Variants in PDE4D observed in about 807,000 individuals in gnomAD.
PDE4D encodes 3',5'-cyclic-AMP phosphodiesterase 4D.
A neutral mutation model predicts 87.4 loss-of-function variants in PDE4D; 24 were observed. The observed-to-expected ratio is 0.27, with a 90% CI of 0.20 to 0.39. The LOEUF is 0.39. Among genes scored for constraint, PDE4D ranks in the 10% least tolerant of loss-of-function variants. The pLI is 1.00. For synonymous variants in PDE4D, 384 were observed against 383.2 expected (o/e 1.00, Z -0.02); for missense variants, 714 against 1,041.0 (o/e 0.69, Z 4.32).
intron 5 of PDE4D, among the ~76,000 whole-genome samples, chr5:59,056,330 G>A (rs1762350064): frequency 6.6e-6 from 1 of 152,138 alleles, no homozygotes; most frequent in Non-Finnish European, 1.5e-5. Context: ...TACAACCACT[G>A]GAGCAAAGGA....
intron 1 of PDE4D, among the ~76,000 whole-genome samples, chr5:60,411,624 C>T (rs1742052765): frequency 6.6e-6 from 1 of 152,146 alleles, no homozygotes; most frequent in South Asian, 2.1e-4. Context: ...AACATTATTT[C>T]CGAATATTTA....
At chr5:59,097,753 A>C (rs1222453206) in intron 5 of PDE4D, among the ~76,000 whole-genome samples, 1 of 152,172 alleles carries the variant, frequency 6.6e-6, no homozygotes, top group East Asian at 1.9e-4. Context: ...TACACTGATA[A>C]ATGTTTACTG....
chr5:60,297,418 A>G (rs1297338263), intron 1 of PDE4D, among the ~76,000 whole-genome samples: 1 of 152,216 alleles, frequency 6.6e-6, no homozygotes, highest in Non-Finnish European at 1.5e-5. Context: ...ACTGATTAAT[A>G]ACAGAAGGGA....
At chr5:59,558,964 A>G in intron 1 of PDE4D, among the ~76,000 whole-genome samples, 1 of 152,076 alleles carries the variant, frequency 6.6e-6, no homozygotes, top group African/African-American at 2.4e-5. Context: ...GAAGCTCAAA[A>G]TTGTAAGCTA....
At chr5:58,993,220 A>G (rs991485527) in intron 7 of PDE4D, among the ~76,000 whole-genome samples, 152 bp downstream of exon 7, 1 of 152,192 alleles carries the variant, frequency 6.6e-6, no homozygotes, top group African/African-American at 2.4e-5. Context: ...TCAGAGGCGG[A>G]TAGTGTCGAA....
intron 2 of PDE4D, among the ~76,000 whole-genome samples, chr5:60,046,107 T>A (rs1338273544): frequency 6.6e-6 from 1 of 152,220 alleles, no homozygotes; most frequent in Non-Finnish European, 1.5e-5. Flanking sequence ...GATTCCTAGG[T>A]ATTTTATTCT....
rs866796539 is a variant in PDE4D, at chr5:59,893,226, G to A, written c.397C>T (p.Arg133Trp). The change falls in exon 1 of 15, where the codon CGG (arginine) becomes TGG (tryptophan). Residue 133 changes from arginine (R) to tryptophan (W), a missense_variant. Arg to Trp is a moderately radical substitution (Grantham distance 101). This residue lies in a region of PDE4D where 268 missense variants were observed against 272.9 expected (regional missense o/e 0.98). Transcript: ENST00000340635. ...RTSYAVETGH[R>W]PGLKKSRMSW... Reference sequence around the variant, plus strand: ...ATCCTGGATTTCTTCAGGCCGGGCCGGTGGCCGGTCTCCACCGCGTAGGAG... The same window carrying A: ...ATCCTGGATTTCTTCAGGCCGGGCCAGTGGCCGGTCTCCACCGCGTAGGAG... The A allele has an allele frequency of 1.9e-6, 3 of 1,560,466 alleles. No homozygotes were observed. The highest frequency in any genetic ancestry group is 1.4e-5 in the African/African-American group (1 of 73,600).
chr5:60,073,351 G>T (rs1053913415), intron 2 of PDE4D, among the ~76,000 whole-genome samples: 4 of 152,060 alleles, frequency 2.6e-5, no homozygotes, highest in Non-Finnish European at 1.5e-5. Context: ...TGCCTCCCAT[G>T]GGTAAAGCCA....
chr5:59,720,021 T>C (rs939625477), intron 1 of PDE4D, among the ~76,000 whole-genome samples: 5 of 152,192 alleles, frequency 3.3e-5, no homozygotes, highest in African/African-American at 1.2e-4. Context: ...GTATTCTCAC[T>C]ATCTTCTGTA....
At chr5:59,065,036 A>C (rs1763667775) in intron 5 of PDE4D, among the ~76,000 whole-genome samples, 1 of 151,078 alleles carries the variant, frequency 6.6e-6, no homozygotes, top group African/African-American at 2.4e-5. Context: ...CCATCAACAG[A>C]TGAATGGACA....
chr5:59,459,589 G>A (rs993252111), intron 1 of PDE4D, among the ~76,000 whole-genome samples: 1 of 152,162 alleles, frequency 6.6e-6, no homozygotes, highest in African/African-American at 2.4e-5. Flanking sequence ...AGCTTGTTTG[G>A]TCAGATGATC....
chr5:59,775,592 C>T (rs1561644235), intron 1 of PDE4D, among the ~76,000 whole-genome samples: 4 of 152,100 alleles, frequency 2.6e-5, no homozygotes, highest in Admixed American at 2.0e-4. Flanking sequence ...TTTCAAACTC[C>T]CCAAAATTGT....
In PDE4D at chr5:58,984,532, G is replaced by A. The variant is rs142854004; in HGVS notation, c.1552+3961C>T. Among the ~76,000 whole-genome samples, 1,322 of 152,306 alleles carry A rather than the reference G, an allele frequency of 8.7e-3. 63 individuals carry two copies. Among genetic ancestry groups the A allele is most frequent in the Admixed American group, 0.076 (1,164 of 15,298 alleles). ...ATGAATTTATCCTTATTTTGAAGGT[G>A]TGGGTTTATACAGAAAAATAAAATT... On this transcript the variant is annotated intron_variant, in intron 11 of 14. Transcript: ENST00000340635.
At chr5:59,508,716 AGAC>A (rs1809731955) in intron 1 of PDE4D, among the ~76,000 whole-genome samples, 1 of 152,078 alleles carries the variant, frequency 6.6e-6, no homozygotes. Flanking sequence ...AATGAGCAAA[AGAC>A]AATAAAAATC....
chr5:59,051,484 T>A (rs1761546186), intron 5 of PDE4D, among the ~76,000 whole-genome samples: 1 of 152,318 alleles, frequency 6.6e-6, no homozygotes, highest in Admixed American at 6.5e-5. Context: ...TACACTGAGG[T>A]TACTGGGAAG....
At chr5:59,997,611 A>T (rs1312446043) in intron 2 of PDE4D, among the ~76,000 whole-genome samples, 1 of 152,194 alleles carries the variant, frequency 6.6e-6, no homozygotes, top group African/African-American at 2.4e-5. Context: ...TTCCCTTTCC[A>T]CATGCAGAGA....
intron 3 of PDE4D, among the ~76,000 whole-genome samples, chr5:59,954,101 T>C (rs1006673587): frequency 1.7e-5 from 1 of 60,242 alleles, no homozygotes; most frequent in Non-Finnish European, 3.4e-5. Context: ...AATTTTTGTA[T>C]TTTAGGAGAG....
chr5:59,681,062 AT>A (rs1156695546), intron 1 of PDE4D, among the ~76,000 whole-genome samples: 1 of 152,110 alleles, frequency 6.6e-6, no homozygotes, highest in African/African-American at 2.4e-5. Context: ...TACTCTCCAA[AT>A]TTTGATTTCT....
At chr5:59,059,092 C>T (rs556119959) in intron 5 of PDE4D, among the ~76,000 whole-genome samples, 4 of 152,260 alleles carry the variant, frequency 2.6e-5, no homozygotes, top group South Asian at 2.1e-4. Flanking sequence ...GGCAATTCAG[C>T]GGGTTCCTTT....
Sources: allele counts gnomAD v4.1 joint callset (sites outside exome capture counted in the v4.1 genomes callset), GRCh38; gene constraint gnomAD v4.1.1; regional missense constraint gnomAD v4.1.1; transcripts MANE v1.5; gene names NCBI Gene and HGNC (gene_info 2026-07-23, HGNC 2026-07-21).